The following ATP6V0A4 variants were observed in gnomAD, a reference collection of about 807,000 sequenced individuals.
ATP6V0A4 encodes ATPase H+ transporting V0 subunit a4, also known as V-type proton ATPase 116 kDa subunit a 4.
A neutral mutation model predicts 107.3 loss-of-function variants in ATP6V0A4; 86 were observed. The observed-to-expected ratio is 0.80, with a 90% CI of 0.67 to 0.96. The LOEUF (loss-of-function observed/expected upper bound fraction) is 0.96, where lower values mean the gene tolerates loss of function less well. Ranked by LOEUF, ATP6V0A4 falls within the 40% of genes least tolerant of loss-of-function variation. ATP6V0A4 has a pLI of 0.00. For synonymous variants in ATP6V0A4, 353 were observed against 381.4 expected (o/e 0.93, Z 0.87); for missense variants, 908 against 1,045.6 (o/e 0.87, Z 1.81).
At chr7:138,748,334 C>T (rs1418950985) in intron 12 of ATP6V0A4, among the ~76,000 whole-genome samples, 2 of 152,260 alleles carry the variant, frequency 1.3e-5, no homozygotes, top group East Asian at 3.9e-4. Flanking sequence ...TTCGACTGGG[C>T]CTCAGGCTGG....
chr7:138,770,985 G>A, intron 3 of ATP6V0A4, 146 bp downstream of exon 3: 1 of 882,224 alleles, frequency 1.1e-6, no homozygotes. Flanking sequence ...CTAGCCAGAA[G>A]CACTAAAACT....
chr7:138,747,610 G>A (rs376886674), intron 12 of ATP6V0A4, 46 bp from the exon 13 acceptor site: 21 of 1,605,842 alleles, frequency 1.3e-5, no homozygotes, highest in South Asian at 6.7e-5. Flanking sequence ...GCACAGCCTC[G>A]GGGCCCCCAC....
chr7:138,770,238 G>A (rs1186469717), intron 3 of ATP6V0A4, among the ~76,000 whole-genome samples: 1 of 149,890 alleles, frequency 6.7e-6, no homozygotes, highest in African/African-American at 2.5e-5. Context: ...AAGAAAAAAG[G>A]AAGGAAGGAA....
chr7:138,742,256 G>A (rs1280471574), intron 14 of ATP6V0A4, among the ~76,000 whole-genome samples: 2 of 151,840 alleles, frequency 1.3e-5, no homozygotes, highest in African/African-American at 4.8e-5. Context: ...GTGAAACCCC[G>A]TCTCTACTAA....
At position 138,766,200 on chromosome 7, in the gene ATP6V0A4, A is replaced by ATTTTTT. The variant is rs1398843206; in HGVS notation, c.291+2579_291+2580insAAAAAA. On this transcript the variant is annotated intron_variant, in intron 5 of 21. Transcript: ENST00000310018. ...TAACACCTTAAAATATCATGTTATT[A>ATTTTTT]TTATTTTTTTTTTTTTTTTGGAAAC... Among the ~76,000 whole-genome samples, 4 of 84,320 alleles carry ATTTTTT rather than the reference A, an allele frequency of 4.7e-5. 1 individual carries two copies. The highest frequency in any genetic ancestry group is 2.2e-5 in the Non-Finnish European group (1 of 45,932). 55.3% of individuals were successfully genotyped at this position (84,320 alleles called of 152,430 possible).
chr7:138,762,385 A>C lies in ATP6V0A4; in HGVS notation c.467T>G (p.Leu156Arg). ...TGCAGGCACTGCTTTCAACTCCAGGAGGCCAGAAGTGTCCTCAGTAAAGAA... is the reference window on the plus strand; with the variant it reads ...TGCAGGCACTGCTTTCAACTCCAGGCGGCCAGAAGTGTCCTCAGTAAAGAA... Reference protein sequence around the residue: ...DDFFTEDTSGLLELKAVPAYM... With the variant: ...DDFFTEDTSGRLELKAVPAYM... Residue 156 changes from leucine (L) to arginine (R), a missense_variant, in exon 7 of 22, where the codon CTC becomes CGC. By Grantham distance (102) the Leu-to-Arg change is moderately radical. Coordinates refer to ENST00000310018, the MANE Select transcript of ATP6V0A4 (RefSeq NM_020632.3). The C allele has an allele frequency of 6.2e-7, 1 of 1,614,216 alleles. No individual in the cohort carries two copies. Among genetic ancestry groups the C allele is most frequent in the East Asian group, 2.2e-5 (1 of 44,884 alleles).
intron 5 of ATP6V0A4, chr7:138,763,230 A>C: frequency 6.4e-6 from 2 of 313,872 alleles, no homozygotes; most frequent in Non-Finnish European, 9.2e-6. Flanking sequence ...CTCTCTTAAG[A>C]GTTCCATCAC....
rs757422502 is a variant in ATP6V0A4, at chr7:138,749,295, G to T, written c.1052C>A (p.Ala351Asp). ...QGMELSGSSM[A>D]PIMTTVQSKT... ...AGATTGCACTGTGGTCATGATGGGG[G>T]CCATGGAGGAGCCACTTAGTTCCTG... is the stretch of plus-strand genomic sequence containing the variant. Residue 351 changes from alanine (A) to aspartate (D), a missense_variant, in exon 12 of 22, where the codon GCC (alanine) becomes GAC (aspartate). Physicochemically the swap from Ala to Asp is moderately radical, Grantham distance 126. Transcript: ENST00000310018. 3 of 1,612,982 alleles carry T rather than the reference G, an allele frequency of 1.9e-6. No homozygotes were observed. The African/African-American group carries it at 4.0e-5, about 22-fold the overall frequency.
intron 15 of ATP6V0A4, among the ~76,000 whole-genome samples, chr7:138,736,814 G>C (rs540433221): frequency 1.3e-5 from 2 of 151,796 alleles, no homozygotes; most frequent in Non-Finnish European, 2.9e-5. Context: ...CAAATGATCC[G>C]CATGCCTTGG....
rs963288110 is a variant in ATP6V0A4, at chr7:138,751,496, C to A, written c.1029+1129G>T. 2.6e-5 allele frequency among the ~76,000 whole-genome samples: 4 copies of A among 151,624 alleles called. No homozygotes were observed. In the South Asian group the frequency reaches 8.4e-4, roughly 32 times the overall value. ...AATAACGGTGATCAGAACAAGCCCC[C>A]ACTCTCCATCCTGCCCCTCGCCGTC... On this transcript the variant is annotated intron_variant, in intron 11 of 21. Transcript: ENST00000310018.
In ATP6V0A4 at chr7:138,762,324, C is replaced by G. The variant is rs1806864069; in HGVS notation, c.512+16G>C. The G allele has an allele frequency of 6.2e-7, 1 of 1,614,062 alleles. No homozygotes were observed. ...CCAGGACCAGGGACCCATCTACACA[C>G]AAGAATTACACTAACCCCAACTTTC... On this transcript the variant is annotated intron_variant, in intron 7 of 21. Transcript: ENST00000310018.
chr7:138,721,151 G>C (rs961407650), intron 19 of ATP6V0A4, among the ~76,000 whole-genome samples: 1 of 152,196 alleles, frequency 6.6e-6, no homozygotes, highest in Non-Finnish European at 1.5e-5. Context: ...GGGCTCCTGA[G>C]GGGCAGTGGC....
chr7:138,787,206 C>T (rs1459295897), intron 1 of ATP6V0A4, among the ~76,000 whole-genome samples: 1 of 152,204 alleles, frequency 6.6e-6, no homozygotes. Context: ...GGACTTAACA[C>T]CCCTTTGTGT....
At position 138,762,909 on chromosome 7, in the gene ATP6V0A4, G is replaced by A; in HGVS notation, c.408C>T (p.Asp136=). The A allele has an allele frequency of 6.2e-7, 1 of 1,614,132 alleles. No homozygotes were observed. Among genetic ancestry groups the A allele is most frequent in the Non-Finnish European group, 8.5e-7 (1 of 1,180,010 alleles). Residue 136 remains aspartate, a synonymous_variant, in exon 6 of 22, where the codon GAC becomes GAT. Transcript: ENST00000310018. Reference sequence around the variant, plus strand: ...ATCCCCACGTGACCACCTCAAAGAAGTCTTGGGTTTTCTTCAGGAGGTATT... The same window carrying A: ...ATCCCCACGTGACCACCTCAAAGAAATCTTGGGTTTTCTTCAGGAGGTATT... ...ELKYLLKKTQ[D]FFETETNLAD...
intron 14 of ATP6V0A4, among the ~76,000 whole-genome samples, chr7:138,743,195 TGCCTGTAATCC>T (rs1805722394): frequency 2.6e-5 from 4 of 152,000 alleles, no homozygotes; most frequent in African/African-American, 9.7e-5. Context: ...GTGTGGCTCA[TGCCTGTAATCC>T]TAGCACTTTG....
Position 138,717,901 on chromosome 7 carries a change from C to G in ATP6V0A4, c.2140-2020G>C, listed in dbSNP as rs1397096786. ...GCAGCCTGGGCGACACAGTGAGACT[C>G]TGTCTCGGAAAAAAAAAAAAAAAAA... On this transcript the variant is annotated intron_variant, in intron 19 of 21. Transcript: ENST00000310018. 1.6e-4 allele frequency among the ~76,000 whole-genome samples: 14 copies of G among 88,030 alleles called. No individual in the cohort carries two copies. In the Admixed American group the frequency reaches 2.4e-3, roughly 15 times the overall value. The allele number at this position is 88,030 out of a possible 152,430, so 57.8% of individuals were successfully genotyped here.
chr7:138,738,724 G>A (rs1805469994), intron 15 of ATP6V0A4, among the ~76,000 whole-genome samples: 1 of 152,174 alleles, frequency 6.6e-6, no homozygotes, highest in South Asian at 2.1e-4. Flanking sequence ...TTAAGAGGAG[G>A]TGACCTGTAA....
At chr7:138,738,030 G>GGCTT in intron 15 of ATP6V0A4, among the ~76,000 whole-genome samples, 1 of 151,588 alleles carries the variant, frequency 6.6e-6, no homozygotes, top group East Asian at 2.0e-4. Flanking sequence ...CCAAAGTGCT[G>GGCTT]GGATTACAGG....
At chr7:138,789,496 C>A (rs994152673) in intron 1 of ATP6V0A4, among the ~76,000 whole-genome samples, 4 of 151,538 alleles carry the variant, frequency 2.6e-5, no homozygotes, top group African/African-American at 9.7e-5. Context: ...GATCCACCCA[C>A]CTCAGCCTCC....
Sources: allele counts gnomAD v4.1 joint callset (sites outside exome capture counted in the v4.1 genomes callset), GRCh38; gene constraint gnomAD v4.1.1; transcripts MANE v1.5; gene names NCBI Gene and HGNC (gene_info 2026-07-23, HGNC 2026-07-21).